The following EBF3 variants were observed in gnomAD, a reference collection of about 807,000 sequenced individuals.
EBF3 encodes the protein EBF transcription factor 3.
Under a neutral mutation model 77.1 loss-of-function variants are expected in EBF3, and 18 were observed. The ratio of observed to expected loss-of-function variants is 0.23; its 90% CI spans 0.16 to 0.35. EBF3 has a LOEUF of 0.35. Ranked by LOEUF, EBF3 falls within the 10% of genes least tolerant of loss-of-function variation. The probability of loss-of-function intolerance (pLI) is 1.00; values close to 1 mark genes in which losing one functional copy is unlikely to be tolerated. For synonymous variants in EBF3, 350 were observed against 343.5 expected (o/e 1.02, Z -0.21); for missense variants, 558 against 860.0 (o/e 0.65, Z 4.39).
At chr10:129,851,602 A>C (rs1292851123) in intron 10 of EBF3, among the ~76,000 whole-genome samples, 1 of 152,182 alleles carries the variant, frequency 6.6e-6, no homozygotes, top group African/African-American at 2.4e-5. Flanking sequence ...GGAATTCCAC[A>C]TATCTGGATC....
In EBF3 at chr10:129,864,977, T is replaced by C. The variant is rs550217562; in HGVS notation, c.1039+2164A>G. On this transcript the variant is annotated intron_variant, in intron 10 of 16. Transcript: ENST00000440978. This position sits in a 1 kb window ranked among gnomAD's most constrained non-coding sequence, Gnocchi z 4.4. ...CGATCCTTGCCAAAACCTTGCCAGATAGAGCAGAGGAGAAATTGGGACCAC... is the reference window on the plus strand; with the variant it reads ...CGATCCTTGCCAAAACCTTGCCAGACAGAGCAGAGGAGAAATTGGGACCAC... Among the ~76,000 whole-genome samples, 5 of 152,268 alleles carry C rather than the reference T, an allele frequency of 3.3e-5. No individual in the cohort carries two copies. In the South Asian group the frequency reaches 1.0e-3, roughly 32 times the overall value.
At chr10:129,846,789 A>G (rs892038143) in intron 11 of EBF3, among the ~76,000 whole-genome samples, 1 of 152,174 alleles carries the variant, frequency 6.6e-6, no homozygotes, top group African/African-American at 2.4e-5. Flanking sequence ...AAGCCTGAAC[A>G]ATACGTTTTC....
intron 8 of EBF3, among the ~76,000 whole-genome samples, chr10:129,872,861 A>G (rs923246960): frequency 6.6e-6 from 1 of 152,106 alleles, no homozygotes; most frequent in Non-Finnish European, 1.5e-5. Context: ...CTTTCTCCCT[A>G]CCTACCACCC....
At position 129,930,534 on chromosome 10, in the gene EBF3, C is replaced by T. The variant is rs528012346; in HGVS notation, c.554+26724G>A. Among the ~76,000 whole-genome samples, 38 of 142,578 alleles carry T rather than the reference C, an allele frequency of 2.7e-4. No homozygotes were observed. In the South Asian group the frequency reaches 6.1e-3, roughly 23 times the overall value. 93.5% of individuals were successfully genotyped at this position (142,578 alleles called of 152,430 possible). A position where few individuals can be genotyped will look rare whatever the true frequency, so the allele number is the denominator to read the frequency against. The stretch of plus-strand genomic sequence containing the variant: ...TATATCTATCTCTATATTAACAAAT[C>T]CCCCTCTCATATACCTATATCTATA... On this transcript the variant is annotated intron_variant, in intron 6 of 16. Coordinates refer to ENST00000440978, the MANE Select transcript of EBF3 (RefSeq NM_001375380.1).
intron 6 of EBF3, among the ~76,000 whole-genome samples, chr10:129,907,724 C>A (rs1179807666): frequency 6.6e-6 from 1 of 152,116 alleles, no homozygotes; most frequent in Non-Finnish European, 1.5e-5. Context: ...GATAGAGAGC[C>A]ATAAAAACTG....
chr10:129,880,926 G>A (rs529449316), intron 6 of EBF3, among the ~76,000 whole-genome samples: 7 of 152,224 alleles, frequency 4.6e-5, no homozygotes, highest in South Asian at 2.1e-4. Context: ...ATGCTTTCAC[G>A]AGGAGGTGCT....
At chr10:129,919,391 A>C (rs928681582) in intron 6 of EBF3, among the ~76,000 whole-genome samples, 1 of 152,050 alleles carries the variant, frequency 6.6e-6, no homozygotes, top group African/African-American at 2.4e-5. Context: ...CACAGGGAAT[A>C]AGGCTGGGGA....
intron 15 of EBF3, 22 bp downstream of exon 15, chr10:129,840,223 C>A: frequency 3.2e-6 from 5 of 1,539,254 alleles, no homozygotes; most frequent in Non-Finnish European, 4.4e-6. Context: ...AGCACTGGCC[C>A]ACGGCCCCGC....
At chr10:129,957,192 C>A in intron 6 of EBF3, 66 bp downstream of exon 6, 3 of 1,458,634 alleles carry the variant, frequency 2.1e-6, no homozygotes, top group South Asian at 1.2e-5. Context: ...AACTGGAAAC[C>A]AAGCAAGGCA....
chr10:129,867,698 T>A (rs1337208113), intron 9 of EBF3, 84 bp downstream of exon 9: 1 of 1,576,468 alleles, frequency 6.3e-7, no homozygotes, highest in Non-Finnish European at 8.6e-7. Flanking sequence ...ATAGGGCACC[T>A]TGTGTCAATA....
chr10:129,890,271 T>C (rs7893936), intron 6 of EBF3, among the ~76,000 whole-genome samples: 60,998 of 152,070 alleles, frequency 0.4, 13,611 homozygotes, highest in African/African-American at 0.61. Context: ...CCCCGGGCTG[T>C]GTGGTACAAG....
At chr10:129,961,531 T>G (rs1359881974) in intron 4 of EBF3, among the ~76,000 whole-genome samples, 1 of 152,180 alleles carries the variant, frequency 6.6e-6, no homozygotes, top group African/African-American at 2.4e-5. Context: ...AGGAACTGCT[T>G]GTAATTATGT....
intron 15 of EBF3, 150 bp downstream of exon 15, chr10:129,840,095 C>A: frequency 9.8e-7 from 1 of 1,021,980 alleles, no homozygotes; most frequent in South Asian, 1.7e-5. Context: ...CTGTGAACAC[C>A]AGGCAGAGGT....
chr10:129,960,195 G>A (rs1161330592), intron 4 of EBF3, among the ~76,000 whole-genome samples: 1 of 152,046 alleles, frequency 6.6e-6, no homozygotes, highest in Non-Finnish European at 1.5e-5. Flanking sequence ...TTCCACGGAA[G>A]GGGGAGGGAT....
At chr10:129,922,431 CCTA>C (rs1180228434) in intron 6 of EBF3, among the ~76,000 whole-genome samples, 3 of 152,236 alleles carry the variant, frequency 2.0e-5, no homozygotes, top group Non-Finnish European at 4.4e-5. Context: ...GCCCTCAGCA[CCTA>C]CTGTTTGTGC....
rs1328590597 is a variant in EBF3 at position 129,861,067 on chromosome 10, G to GC, written c.1039+6073dup. Among the ~76,000 whole-genome samples, 2 of 152,178 alleles carry GC rather than the reference G, an allele frequency of 1.3e-5. No homozygotes were observed. Among genetic ancestry groups the GC allele is most frequent in the African/African-American group, 4.8e-5 (2 of 41,454 alleles). On this transcript the variant is annotated intron_variant, in intron 10 of 16. Coordinates refer to ENST00000440978, the MANE Select transcript of EBF3 (RefSeq NM_001375380.1). The surrounding 1 kb of genome is among the most constrained non-coding windows in gnomAD (Gnocchi z 4.3). ...AGCAGTGACCCTGGAAGCCCTCCCG[G>GC]CCCCACTCTTCAAAGGGCCGTGTTA... is the stretch of plus-strand genomic sequence containing the variant.
chr10:129,946,205 G>T (rs746986950), intron 6 of EBF3, among the ~76,000 whole-genome samples: 1 of 152,190 alleles, frequency 6.6e-6, no homozygotes, highest in African/African-American at 2.4e-5. Flanking sequence ...GCGCGGACCC[G>T]CCCTGGCGAC....
chr10:129,959,681 C>T (rs1859338303), intron 4 of EBF3, among the ~76,000 whole-genome samples: 1 of 151,892 alleles, frequency 6.6e-6, no homozygotes, highest in African/African-American at 2.4e-5. Flanking sequence ...CCCGGGGCCT[C>T]CCTGAGTGGT....
At chr10:129,909,564 G>C (rs905726361) in intron 6 of EBF3, among the ~76,000 whole-genome samples, 2 of 152,216 alleles carry the variant, frequency 1.3e-5, no homozygotes, top group African/African-American at 4.8e-5. Flanking sequence ...TGGAGCAGCA[G>C]CTAAGCCTTA....
Sources: allele counts gnomAD v4.1 joint callset (sites outside exome capture counted in the v4.1 genomes callset), GRCh38; gene constraint gnomAD v4.1.1; non-coding constraint Gnocchi (gnomAD v3.1); transcripts MANE v1.5; gene names NCBI Gene and HGNC (gene_info 2026-07-23, HGNC 2026-07-21).